The following CFAP92 variants were observed in gnomAD, a reference collection of about 807,000 sequenced individuals.
The protein encoded by CFAP92 is uncharacterized protein CFAP92.
In CFAP92, 86 loss-of-function variants were observed where a neutral mutation model predicts 106.3. That is an observed-to-expected ratio of 0.81 (90% CI 0.68 to 0.97). The LOEUF (loss-of-function observed/expected upper bound fraction) is 0.97, where lower values mean the gene tolerates loss of function less well. CFAP92 is among the 50% of genes least tolerant of loss of function. CFAP92 has a pLI of 0.00. For synonymous variants in CFAP92, 477 were observed against 506.4 expected (o/e 0.94, Z 0.78); for missense variants, 1,204 against 1,283.8 (o/e 0.94, Z 0.95).
At position 128,975,940 on chromosome 3, in the gene CFAP92, A is replaced by G. The variant is rs750802037; in HGVS notation, c.897-37T>C. The G allele has an allele frequency of 2.8e-5, 44 of 1,570,358 alleles. No individual in the cohort carries two copies. The African/African-American group carries it at 3.3e-4, about 12-fold the overall frequency. On this transcript the variant is annotated intron_variant, in intron 6 of 15. Transcript: ENST00000645291. ...ACAAAGAGAAAAATTAATGAAGGTG[A>G]AAAAAATCAGGGGCCAGATCTGAGA...
intron 10 of CFAP92, among the ~76,000 whole-genome samples, chr3:128,938,462 A>G (rs1939279648): frequency 6.6e-6 from 1 of 150,424 alleles, no homozygotes; most frequent in African/African-American, 2.4e-5. Context: ...GAGACCAGAA[A>G]CAAGGCAAGT....
intron 9 of CFAP92, among the ~76,000 whole-genome samples, chr3:128,948,377 C>CTTTTTTTTTTTTTTTTTTTT: frequency 1.3e-5 from 1 of 79,708 alleles, no homozygotes; most frequent in East Asian, 5.0e-4. Flanking sequence ...CTTTTCTTTC[C>CTTTTTTTTTTTTTTTTTTTT]TTTTTTTTTT....
intron 12 of CFAP92, among the ~76,000 whole-genome samples, chr3:128,921,221 G>A (rs1201818467): frequency 3.9e-5 from 6 of 152,252 alleles, no homozygotes; most frequent in African/African-American, 4.8e-5. Flanking sequence ...ATGAGGCAAC[G>A]AACACCCCAG....
intron 9 of CFAP92, among the ~76,000 whole-genome samples, chr3:128,964,934 GTCT>G (rs1942258217): frequency 6.6e-6 from 1 of 152,038 alleles, no homozygotes; most frequent in Non-Finnish European, 1.5e-5. Flanking sequence ...TGTTTTATTT[GTCT>G]TATTAATATA....
intron 12 of CFAP92, among the ~76,000 whole-genome samples, chr3:128,925,325 A>G (rs371378841): frequency 5.9e-5 from 9 of 152,186 alleles, no homozygotes; most frequent in African/African-American, 1.2e-4. Context: ...ATGAGAATCT[A>G]ATGCCACCAC....
chr3:128,942,638 G>A (rs904401106), intron 10 of CFAP92, among the ~76,000 whole-genome samples: 1 of 152,036 alleles, frequency 6.6e-6, no homozygotes, highest in Non-Finnish European at 1.5e-5. Flanking sequence ...GACTGCTCCT[G>A]GGCCAGGCCA....
chr3:129,022,234 C>T, the CFAP92 span, among the ~76,000 whole-genome samples: 1 of 152,234 alleles, frequency 6.6e-6, no homozygotes, highest in Non-Finnish European at 1.5e-5. Context: ...GACCGCCAGG[C>T]CCAGCTAGCA....
At chr3:129,013,759 C>T in the CFAP92 span, among the ~76,000 whole-genome samples, 1 of 152,222 alleles carries the variant, frequency 6.6e-6, no homozygotes, top group East Asian at 1.9e-4. Flanking sequence ...ACATTCCCGC[C>T]ATTGGCCCTG....
At chr3:128,921,264 C>T (rs35495116) in intron 12 of CFAP92, among the ~76,000 whole-genome samples, 1,892 of 152,328 alleles carry the variant, frequency 0.012, 12 homozygotes, top group Non-Finnish European at 0.018. Flanking sequence ...AAAGAGGATG[C>T]ATCATCAGAG....
intron 8 of CFAP92, among the ~76,000 whole-genome samples, chr3:128,966,208 C>G (rs536746339): frequency 2.0e-5 from 3 of 152,374 alleles, no homozygotes; most frequent in African/African-American, 7.2e-5. Context: ...CTTCCCCACA[C>G]AAGCCGCATT....
At chr3:129,017,717 G>A in the CFAP92 span, among the ~76,000 whole-genome samples, 1 of 149,980 alleles carries the variant, frequency 6.7e-6, no homozygotes, top group African/African-American at 2.5e-5. Flanking sequence ...CATTTCAAGG[G>A]ACTTGTGTGA....
chr3:128,965,320 G>A (rs1403523842), intron 9 of CFAP92, among the ~76,000 whole-genome samples, 191 bp downstream of exon 9: 1 of 151,992 alleles, frequency 6.6e-6, no homozygotes, highest in Non-Finnish European at 1.5e-5. Flanking sequence ...GACTCAGCCC[G>A]CCTGCACCCA....
In CFAP92 at chr3:128,978,176, T is replaced by C. The variant is rs201751491; in HGVS notation, c.677A>G (p.His226Arg). The change falls in exon 5 of 16, where the codon CAT becomes CGT. Residue 226 changes from histidine to arginine, a missense_variant. Coordinates refer to ENST00000645291, the MANE Select transcript of CFAP92 (RefSeq NM_001394090.1). ...TAATTTTCTCTGATTTAAAACCAAATGTCTCACTTCTAGAATGCAGGAGAA... is the reference window on the plus strand; with the variant it reads ...TAATTTTCTCTGATTTAAAACCAAACGTCTCACTTCTAGAATGCAGGAGAA... ...VGAFHKSEVR[H>R]LVLNQRKLSE... 6.2e-7 allele frequency: 1 copy of C among 1,613,318 alleles called. No homozygotes were observed. The highest frequency in any genetic ancestry group is 1.3e-5 in the African/African-American group (1 of 74,888).
At chr3:128,910,453 C>T in intron 15 of CFAP92, 120 bp from the exon 16 acceptor site, 1 of 973,342 alleles carries the variant, frequency 1.0e-6, no homozygotes, top group Non-Finnish European at 1.5e-6. Flanking sequence ...TCTCTGAGGA[C>T]CCACTGTATA....
intron 9 of CFAP92, among the ~76,000 whole-genome samples, chr3:128,964,070 C>T (rs1942174056): frequency 6.6e-6 from 1 of 152,166 alleles, no homozygotes; most frequent in Non-Finnish European, 1.5e-5. Context: ...TTAGCCTTCC[C>T]ACCTCTATAC....
rs560852142 is a variant in CFAP92, at chr3:128,965,103, T to C, written c.1353+408A>G. Among the ~76,000 whole-genome samples the C allele has an allele frequency of 4.6e-5, 7 of 152,316 alleles. No individual in the cohort carries two copies. In the East Asian group the frequency reaches 5.8e-4, roughly 13 times the overall value. ...ACATTCCACCATTGTGATTTGTTCC[T>C]GCCCCACCCTAACTGATCAATGTAC... On this transcript the variant is annotated intron_variant, in intron 9 of 15. Coordinates refer to ENST00000645291, the MANE Select transcript of CFAP92 (RefSeq NM_001394090.1).
At chr3:128,964,576 C>T (rs1034697515) in intron 9 of CFAP92, among the ~76,000 whole-genome samples, 2 of 152,206 alleles carry the variant, frequency 1.3e-5, no homozygotes, top group African/African-American at 4.8e-5. Flanking sequence ...TCTTTGCTGG[C>T]AGGACTATGC....
chr3:128,970,098 T>TA (rs968945246), intron 8 of CFAP92: 1 of 151,292 alleles, frequency 6.6e-6, no homozygotes, highest in Non-Finnish European at 1.5e-5. Context: ...CTACAGAAAA[T>TA]AAAAAAAATA....
intron 2 of CFAP92, among the ~76,000 whole-genome samples, chr3:128,989,404 G>A (rs1944075004): frequency 6.6e-6 from 1 of 151,550 alleles, no homozygotes; most frequent in Non-Finnish European, 1.5e-5. Context: ...GGAGGGTGGG[G>A]TGGGCCTCCC....
Sources: gnomAD v4.1 joint callset for allele counts (sites outside exome capture counted in the v4.1 genomes callset) on GRCh38, gnomAD v4.1.1 for gene constraint, MANE v1.5 for transcripts, NCBI Gene and HGNC (gene_info 2026-07-23, HGNC 2026-07-21) for gene names.